The following TENM1 variants were observed in gnomAD, a reference collection of about 807,000 sequenced individuals.
TENM1 encodes teneurin transmembrane protein 1.
TENM1 carries 35 observed loss-of-function variants against 174.8 expected under a neutral mutation model. The ratio of observed to expected loss-of-function variants is 0.20; its 90% CI spans 0.15 to 0.27. The LOEUF (loss-of-function observed/expected upper bound fraction) is 0.27, where lower values mean the gene tolerates loss of function less well. Among genes scored for constraint, TENM1 ranks in the 10% least tolerant of loss-of-function variants. TENM1 has a pLI of 1.00. For synonymous variants in TENM1, 781 were observed against 798.7 expected (o/e 0.98, Z 0.37); for missense variants, 1,633 against 2,130.1 (o/e 0.77, Z 4.59).
At chrX:125,136,369 C>T in the TENM1 span, among the ~76,000 whole-genome samples, 6 of 111,577 alleles carry the variant, frequency 5.4e-5, no homozygotes, top group African/African-American at 2.0e-4. Flanking sequence ...ACTACACACT[C>T]GCTATTATTT....
At chrX:125,090,001 C>T in the TENM1 span, among the ~76,000 whole-genome samples, 2 of 111,612 alleles carry the variant, frequency 1.8e-5, no homozygotes, top group Non-Finnish European at 3.8e-5. Context: ...ATCCCTGCCC[C>T]TCCTACTCCC....
chrX:124,608,044 G>A (rs1421290666), intron 11 of TENM1, among the ~76,000 whole-genome samples: 1 of 111,148 alleles, frequency 9.0e-6, no homozygotes, highest in Non-Finnish European at 1.9e-5. Flanking sequence ...GTATAAGGAG[G>A]ATAAGTTACA....
intron 11 of TENM1, among the ~76,000 whole-genome samples, chrX:124,582,991 G>A (rs964259119): frequency 1.8e-5 from 2 of 112,483 alleles, no homozygotes; most frequent in Non-Finnish European, 3.8e-5. Context: ...AGGGGCACCC[G>A]CCATTGCCCA....
intron 11 of TENM1, among the ~76,000 whole-genome samples, chrX:124,615,799 A>T (rs760515813): frequency 3.6e-5 from 4 of 111,744 alleles, no homozygotes; most frequent in African/African-American, 1.3e-4. Flanking sequence ...AAATATTTTT[A>T]TTGAGCATCT....
chrX:125,014,543 C>A, the TENM1 span, among the ~76,000 whole-genome samples: 1 of 111,872 alleles, frequency 8.9e-6, no homozygotes, highest in Non-Finnish European at 1.9e-5. Context: ...TAAACATTAA[C>A]ATAATTATGT....
chrX:124,943,261 G>A (rs1360542596), intron 1 of TENM1, among the ~76,000 whole-genome samples: 2 of 111,184 alleles, frequency 1.8e-5, no homozygotes, highest in Non-Finnish European at 1.9e-5. Flanking sequence ...CCAAAAGGGG[G>A]CAAATGGGAA....
chrX:125,015,152 G>A, the TENM1 span, among the ~76,000 whole-genome samples: 13 of 111,773 alleles, frequency 1.2e-4, no homozygotes, highest in Admixed American at 2.9e-4. Context: ...GCTGTCAGCA[G>A]ATTGGGACAT....
At chrX:125,032,963 A>T in the TENM1 span, among the ~76,000 whole-genome samples, 188 of 112,210 alleles carry the variant, frequency 1.7e-3, 2 homozygotes, top group East Asian at 0.038. Flanking sequence ...GACATCCATG[A>T]TGCTGTAAAA....
chrX:124,395,898 G>C (rs1246656605), intron 27 of TENM1, among the ~76,000 whole-genome samples: 1 of 112,027 alleles, frequency 8.9e-6, no homozygotes, highest in Non-Finnish European at 1.9e-5. Flanking sequence ...AAAGTAACAA[G>C]TGATTTCCAG....
rs1017004768 is a variant in TENM1 at position 124,593,874 on chromosome X, C to T, written c.2078-28314G>A. On this transcript the variant is annotated intron_variant, in intron 11 of 31. Coordinates refer to ENST00000422452, the Ensembl canonical transcript of TENM1. ...CCAGTGCCTTCTGCTGAGGTGCTTTCCGTAGTTCTGGCTGTGGAGGCCCCT... is the reference window on the plus strand; with the variant it reads ...CCAGTGCCTTCTGCTGAGGTGCTTTTCGTAGTTCTGGCTGTGGAGGCCCCT... 2.7e-5 allele frequency among the ~76,000 whole-genome samples: 3 copies of T among 111,957 alleles called. No individual in the cohort carries two copies. In the East Asian group the frequency reaches 8.5e-4, roughly 32 times the overall value.
chrX:124,705,833 T>C (rs1220630341), intron 4 of TENM1, among the ~76,000 whole-genome samples: 1 of 112,305 alleles, frequency 8.9e-6, no homozygotes, highest in Admixed American at 9.4e-5. Context: ...CTTATTCATT[T>C]CTCCATTCTT....
rs752811948 is a variant in TENM1 at position 124,652,158 on chromosome X, AC to A, written c.1369-35del. On this transcript the variant is annotated intron_variant, in intron 7 of 31. Transcript: ENST00000422452. ...AATACAAACATGAAGATGAGCCACT[AC>A]TTTTTCTTCTAGACTGATAAACATC... The A allele has an allele frequency of 4.2e-6, 5 of 1,193,691 alleles. No individual in the cohort carries two copies. The African/African-American group carries it at 8.8e-5, about 21-fold the overall frequency.
At chrX:124,860,960 C>T (rs1346014731) in intron 3 of TENM1, among the ~76,000 whole-genome samples, 1 of 111,482 alleles carries the variant, frequency 9.0e-6, no homozygotes, top group East Asian at 2.8e-4. Flanking sequence ...TCTTGATAAA[C>T]CTTCTTGTGG....
chrX:124,563,976 C>A (rs2048885773), intron 12 of TENM1, among the ~76,000 whole-genome samples: 1 of 112,037 alleles, frequency 8.9e-6, no homozygotes. Context: ...AATGGCATTT[C>A]TGCAAGAAAC....
chrX:124,975,088 T>C, the TENM1 span, among the ~76,000 whole-genome samples: 1 of 107,502 alleles, frequency 9.3e-6, no homozygotes, highest in Non-Finnish European at 1.9e-5. Context: ...GCAAATAATA[T>C]ACAGTTCTGA....
At chrX:125,041,696 T>C in the TENM1 span, among the ~76,000 whole-genome samples, 5 of 112,049 alleles carry the variant, frequency 4.5e-5, no homozygotes, top group African/African-American at 1.6e-4. Context: ...ACATTTGCAT[T>C]ATGATTTTTA....
chrX:125,024,600 TGTGGGATA>T, the TENM1 span, among the ~76,000 whole-genome samples: 1 of 110,853 alleles, frequency 9.0e-6, no homozygotes, highest in Non-Finnish European at 1.9e-5. Flanking sequence ...GACTCCAAAA[TGTGGGATA>T]GTGGGAAGGG....
At chrX:125,181,826 T>C in the TENM1 span, among the ~76,000 whole-genome samples, 3 of 110,929 alleles carry the variant, frequency 2.7e-5, no homozygotes, top group Non-Finnish European at 5.7e-5. Flanking sequence ...GATATGGATA[T>C]CTAGAAAAAA....
the TENM1 span, among the ~76,000 whole-genome samples, chrX:125,019,532 T>C: frequency 9.0e-6 from 1 of 111,414 alleles, no homozygotes; most frequent in Non-Finnish European, 1.9e-5. Flanking sequence ...AGTCTTACTT[T>C]ATTGTAGACA....
Sources: gnomAD v4.1 joint callset for allele counts (sites outside exome capture counted in the v4.1 genomes callset) on GRCh38, gnomAD v4.1.1 for gene constraint, MANE v1.5 for transcripts, NCBI Gene and HGNC (gene_info 2026-07-23, HGNC 2026-07-21) for gene names.